CAMKMT: variants seen among roughly 807,000 people sequenced by gnomAD.
The protein encoded by CAMKMT is CaM KMT.
A neutral mutation model predicts 48.0 loss-of-function variants in CAMKMT; 53 were observed. That is an observed-to-expected ratio of 1.10 (90% CI 0.89 to 1.39). The LOEUF (loss-of-function observed/expected upper bound fraction) is 1.39. CAMKMT is among the 40% of genes most tolerant of loss of function. The pLI is 0.00. For synonymous variants in CAMKMT, 165 were observed against 152.3 expected, an observed-to-expected ratio of 1.08 and a Z score of -0.61; for missense variants, 428 against 402.7, an observed-to-expected ratio of 1.06 and a Z score of -0.54.
chr2:44,538,387 A>AAG (rs1231733304), intron 3 of CAMKMT, among the ~76,000 whole-genome samples: 1 of 148,650 alleles, frequency 6.7e-6, no homozygotes, highest in Non-Finnish European at 1.5e-5. Flanking sequence ...AAAAAAAAAG[A>AAG]AAAGAAAAGA....
chr2:44,700,313 C>T (rs531696991), intron 3 of CAMKMT, among the ~76,000 whole-genome samples: 11 of 152,280 alleles, frequency 7.2e-5, no homozygotes, highest in African/African-American at 2.4e-4. Context: ...TCTTATCATT[C>T]GTGTGTTCAC....
intron 3 of CAMKMT, among the ~76,000 whole-genome samples, chr2:44,686,355 T>C (rs1427668422): frequency 6.8e-6 from 1 of 147,492 alleles, no homozygotes; most frequent in Non-Finnish European, 1.5e-5. Context: ...ATCATGCCAC[T>C]GCACTCCAGC....
At chr2:44,624,307 T>G (rs1672355680) in intron 3 of CAMKMT, among the ~76,000 whole-genome samples, 1 of 152,156 alleles carries the variant, frequency 6.6e-6, no homozygotes, top group African/African-American at 2.4e-5. Context: ...TTTTTTCTTT[T>G]TTCTATTTCA....
intron 3 of CAMKMT, among the ~76,000 whole-genome samples, chr2:44,485,260 AT>A (rs1260416031): frequency 6.6e-6 from 1 of 152,196 alleles, no homozygotes; most frequent in Admixed American, 6.5e-5. Context: ...TGTTCATAGT[AT>A]TTTTTAATAG....
chr2:44,553,877 TC>T (rs959944559), intron 3 of CAMKMT, among the ~76,000 whole-genome samples: 1 of 152,228 alleles, frequency 6.6e-6, no homozygotes, highest in Non-Finnish European at 1.5e-5. Flanking sequence ...ATGTATGACA[TC>T]CCTCTCATAA....
At chr2:44,648,380 A>T (rs536080640) in intron 3 of CAMKMT, among the ~76,000 whole-genome samples, 1 of 152,162 alleles carries the variant, frequency 6.6e-6, no homozygotes, top group Non-Finnish European at 1.5e-5. Flanking sequence ...ATGATTATTT[A>T]TTAAATTTTC....
chr2:44,457,520 T>TC (rs1355329158), intron 3 of CAMKMT, among the ~76,000 whole-genome samples: 1 of 151,552 alleles, frequency 6.6e-6, no homozygotes, highest in African/African-American at 2.4e-5. Context: ...CACCTCAGCC[T>TC]CCCGAGTAGC....
chr2:44,486,750 C>T (rs1219035415), intron 3 of CAMKMT, among the ~76,000 whole-genome samples: 1 of 152,232 alleles, frequency 6.6e-6, no homozygotes, highest in Non-Finnish European at 1.5e-5. Context: ...GGGCCAAATG[C>T]TTTCCTTCTA....
intron 3 of CAMKMT, among the ~76,000 whole-genome samples, chr2:44,631,029 A>G (rs1159373893): frequency 6.6e-6 from 1 of 152,232 alleles, no homozygotes; most frequent in Non-Finnish European, 1.5e-5. Flanking sequence ...TGGATTAAGA[A>G]AATGTGGCAT....
intron 3 of CAMKMT, among the ~76,000 whole-genome samples, chr2:44,429,466 T>TA (rs1684503554): frequency 6.6e-6 from 1 of 152,162 alleles, no homozygotes; most frequent in Non-Finnish European, 1.5e-5. Flanking sequence ...TTATCATACT[T>TA]ACTTCAACAT....
At chr2:44,705,195 A>C in intron 4 of CAMKMT, 9 of 200,288 alleles carry the variant, frequency 4.5e-5, no homozygotes, top group Non-Finnish European at 7.1e-5. Context: ...ATTGCTTTAA[A>C]CAACCAAACA....
intron 3 of CAMKMT, among the ~76,000 whole-genome samples, chr2:44,626,286 A>G (rs1173116348): frequency 3.3e-5 from 5 of 152,036 alleles, no homozygotes; most frequent in Non-Finnish European, 7.4e-5. Context: ...TTTCTTTTTA[A>G]ATGCTATTGT....
At chr2:44,632,494 C>A (rs933892772) in intron 3 of CAMKMT, among the ~76,000 whole-genome samples, 8 of 152,240 alleles carry the variant, frequency 5.3e-5, no homozygotes, top group South Asian at 2.1e-4. Flanking sequence ...AACAGTGAAA[C>A]AGATTAACAT....
At chr2:44,476,521 A>G (rs938410539) in intron 3 of CAMKMT, among the ~76,000 whole-genome samples, 1 of 152,232 alleles carries the variant, frequency 6.6e-6, no homozygotes, top group Admixed American at 6.5e-5. Context: ...TATAAGTGAA[A>G]TATTAAATCT....
At chr2:44,461,819 A>C (rs1572565177) in intron 3 of CAMKMT, among the ~76,000 whole-genome samples, 1 of 152,330 alleles carries the variant, frequency 6.6e-6, no homozygotes, top group East Asian at 1.9e-4. Context: ...AATACGATCA[A>C]TTCCTATGGA....
At chr2:44,636,317 A>G (rs1438362896) in intron 3 of CAMKMT, among the ~76,000 whole-genome samples, 2 of 152,208 alleles carry the variant, frequency 1.3e-5, no homozygotes, top group Non-Finnish European at 1.5e-5. Flanking sequence ...CAGAATTAGG[A>G]TGAGTTATTC....
intron 2 of CAMKMT, among the ~76,000 whole-genome samples, chr2:44,384,500 C>CTTTT (rs141017634): frequency 3.1e-5 from 3 of 95,850 alleles, no homozygotes; most frequent in African/African-American, 6.8e-5. Flanking sequence ...AGCTATTTAT[C>CTTTT]TTTTTTTTTT....
chr2:44,423,793 A>G (rs564778244), intron 3 of CAMKMT, among the ~76,000 whole-genome samples: 140 of 152,334 alleles, frequency 9.2e-4, no homozygotes, highest in Non-Finnish European at 1.6e-3. Context: ...TATAATGAAA[A>G]TCAACAGTCT....
chr2:44,397,625 C>A (rs912667809), intron 3 of CAMKMT, among the ~76,000 whole-genome samples: 3 of 151,544 alleles, frequency 2.0e-5, no homozygotes, highest in African/African-American at 7.3e-5. Context: ...TAAACAGAGC[C>A]CTACACGTTT....
Sources: allele counts gnomAD v4.1 joint callset (sites outside exome capture counted in the v4.1 genomes callset), GRCh38; gene constraint gnomAD v4.1.1; transcripts MANE v1.5; gene names NCBI Gene and HGNC (gene_info 2026-07-23, HGNC 2026-07-21).